The following EML6 variants were observed in gnomAD, a reference collection of about 807,000 sequenced individuals.
The protein encoded by EML6 is EMAP like 6.
A neutral mutation model predicts 240.1 loss-of-function variants in EML6; 154 were observed. That is an observed-to-expected ratio of 0.64 (90% CI 0.56 to 0.73). The LOEUF is 0.73. Among genes scored for constraint, EML6 ranks in the 30% least tolerant of loss-of-function variants. EML6 has a pLI of 0.00. For synonymous variants in EML6, 1,148 were observed against 899.0 expected (o/e 1.28, Z -4.95); for missense variants, 2,964 against 2,474.6 (o/e 1.20, Z -4.20).
intron 7 of EML6, among the ~76,000 whole-genome samples, chr2:54,836,062 C>G (rs749025390): frequency 6.6e-6 from 1 of 152,212 alleles, no homozygotes; most frequent in Non-Finnish European, 1.5e-5. Flanking sequence ...TTTCTCTGGG[C>G]TTGCCCTTCA....
intron 11 of EML6, among the ~76,000 whole-genome samples, chr2:54,854,881 T>C (rs1434924796): frequency 1.3e-5 from 2 of 152,228 alleles, no homozygotes; most frequent in Non-Finnish European, 2.9e-5. Context: ...TTGAGTAGTA[T>C]ACTTGCAGGG....
At chr2:54,892,771 A>G in intron 19 of EML6, 115 bp downstream of exon 19, 1 of 723,356 alleles carries the variant, frequency 1.4e-6, no homozygotes, top group Non-Finnish European at 2.2e-6. Flanking sequence ...TGAATTAGGA[A>G]GTAGTTGTCA....
chr2:54,887,734 A>AT lies in EML6; in HGVS notation c.2439-3314dup, dbSNP rs541177398. 7.9e-5 allele frequency among the ~76,000 whole-genome samples: 12 copies of AT among 152,164 alleles called. No individual in the cohort carries two copies. The South Asian group carries it at 2.5e-3, about 32-fold the overall frequency. On this transcript the variant is annotated intron_variant, in intron 17 of 41. Transcript: ENST00000356458. ...TTCCATATGGCTACCAAGGTGTTCC[A>AT]TTTTTTCCCTTTTTAAATAGATTTT...
At chr2:54,767,233 G>C (rs988580149) in intron 2 of EML6, among the ~76,000 whole-genome samples, 9 of 152,030 alleles carry the variant, frequency 5.9e-5, no homozygotes, top group East Asian at 1.9e-4. Flanking sequence ...ATTTAACTCA[G>C]TATTAACAGG....
chr2:54,853,149 A>G (rs1364225578), intron 10 of EML6, among the ~76,000 whole-genome samples: 2 of 152,226 alleles, frequency 1.3e-5, no homozygotes, highest in East Asian at 1.9e-4. Context: ...GAAAAATAGA[A>G]GTTCAGGATG....
At chr2:54,923,151 G>C (rs1297128395) in intron 26 of EML6, among the ~76,000 whole-genome samples, 1 of 151,902 alleles carries the variant, frequency 6.6e-6, no homozygotes, top group Non-Finnish European at 1.5e-5. Flanking sequence ...ATGTTGATCA[G>C]GCTGGTCTCG....
chr2:54,756,959 T>C (rs1667760054), intron 2 of EML6, among the ~76,000 whole-genome samples: 1 of 151,944 alleles, frequency 6.6e-6, no homozygotes, highest in Non-Finnish European at 1.5e-5. Flanking sequence ...ATTTTCCTTA[T>C]TATTATTGTT....
At chr2:54,893,157 A>G (rs1165408680) in intron 19 of EML6, among the ~76,000 whole-genome samples, 1 of 152,222 alleles carries the variant, frequency 6.6e-6, no homozygotes, top group Non-Finnish European at 1.5e-5. Flanking sequence ...TGGCCATATT[A>G]CAATTCAAGC....
At chr2:54,899,807 TG>T in intron 22 of EML6, 25 bp downstream of exon 22, 1 of 1,536,194 alleles carries the variant, frequency 6.5e-7, no homozygotes, top group South Asian at 1.2e-5. Flanking sequence ...CTTACACATC[TG>T]TCAGAGTATT....
intron 17 of EML6, among the ~76,000 whole-genome samples, chr2:54,886,204 C>T (rs541098413): frequency 3.0e-5 from 4 of 133,156 alleles, no homozygotes; most frequent in African/African-American, 5.6e-5. Context: ...CTTGCTGTGT[C>T]ACCCAGGCTG....
Position 54,892,619 on chromosome 2 carries a change from A to T in EML6, c.2705A>T (p.His902Leu), listed in dbSNP as rs1260170858. The T allele has an allele frequency of 6.5e-7, 1 of 1,549,760 alleles. No individual in the cohort carries two copies. The highest frequency in any genetic ancestry group is 8.7e-7 in the Non-Finnish European group (1 of 1,145,072). Residue 902 changes from histidine to leucine, a missense_variant, in exon 19 of 42, where the codon CAT becomes CTT. Transcript: ENST00000356458. ...CTACTACTGAAGACAGTGAAAGCTC[A>T]TGATGGGCCTGTGTTTGCTATGTAT... ...DILLLKTVKA[H>L]DGPVFAMYAL...
intron 16 of EML6, among the ~76,000 whole-genome samples, chr2:54,875,797 A>C (rs1056969366): frequency 6.6e-6 from 1 of 152,238 alleles, no homozygotes; most frequent in Non-Finnish European, 1.5e-5. Context: ...CCGTGAGGAA[A>C]GTGCTTCCAT....
intron 2 of EML6, among the ~76,000 whole-genome samples, chr2:54,805,235 C>T (rs947520850): frequency 1.3e-5 from 2 of 152,070 alleles, no homozygotes; most frequent in Non-Finnish European, 2.9e-5. Context: ...GACCTATTTC[C>T]GATTTCTGGC....
intron 13 of EML6, among the ~76,000 whole-genome samples, chr2:54,865,228 C>G (rs985893068): frequency 2.0e-5 from 3 of 151,490 alleles, no homozygotes; most frequent in African/African-American, 2.4e-5. Context: ...GTGGCTCATT[C>G]CTGTAATACC....
intron 2 of EML6, among the ~76,000 whole-genome samples, chr2:54,745,575 G>A (rs1683875802): frequency 6.6e-6 from 1 of 152,114 alleles, no homozygotes; most frequent in Non-Finnish European, 1.5e-5. Context: ...CCAAGAGTTC[G>A]AGATGAGCCT....
intron 2 of EML6, among the ~76,000 whole-genome samples, chr2:54,753,548 A>T (rs1684265568): frequency 1.3e-5 from 2 of 152,130 alleles, no homozygotes; most frequent in South Asian, 4.1e-4. Flanking sequence ...GCTGGCTTTG[A>T]AGATGAAAGG....
intron 15 of EML6, among the ~76,000 whole-genome samples, chr2:54,870,093 T>G (rs1671174051): frequency 6.6e-6 from 1 of 152,238 alleles, no homozygotes; most frequent in African/African-American, 2.4e-5. Flanking sequence ...CAGATAATAC[T>G]TCAACTGGTA....
chr2:54,737,577 G>C lies in EML6; in HGVS notation c.197+12319G>C, dbSNP rs75834180. On this transcript the variant is annotated intron_variant, in intron 2 of 41. Transcript: ENST00000356458. ...GTGTGTATGCATTGTCTTCTTCAAG[G>C]CATCTTTTCTCTCCTTTTCTCTTCA... Among the ~76,000 whole-genome samples, 1,051 of 152,214 alleles carry C rather than the reference G, an allele frequency of 6.9e-3. 12 individuals carry two copies. Among genetic ancestry groups the C allele is most frequent in the African/African-American group, 0.024 (981 of 41,524 alleles).
Position 54,869,196 on chromosome 2 carries a change from C to T in EML6, c.2067C>T (p.Asp689=), listed in dbSNP as rs777995790. ...LQFIHGYRGY[D]CRNNLFYTQA... ...TGTGCTTCAGTTATAGAGGCTACGA[C>T]TGTAGAAACAATCTGTTCTACACAC... The change falls in exon 15 of 42, where the codon GAC becomes GAT. Residue 689 remains aspartate (D), a synonymous_variant. Coordinates refer to ENST00000356458, the MANE Select transcript of EML6 (RefSeq NM_001039753.4). 16 of 1,550,342 alleles carry T rather than the reference C, an allele frequency of 1.0e-5. No individual in the cohort carries two copies. In the African/African-American group the frequency reaches 1.5e-4, roughly 15 times the overall value.
Sources: allele counts gnomAD v4.1 joint callset (sites outside exome capture counted in the v4.1 genomes callset), GRCh38; gene constraint gnomAD v4.1.1; transcripts MANE v1.5; gene names NCBI Gene and HGNC (gene_info 2026-07-23, HGNC 2026-07-21).